Variants in RASGRP1 observed in about 807,000 individuals in gnomAD.
RASGRP1 encodes the protein RAS guanyl releasing protein 1.
Under a neutral mutation model 95.1 loss-of-function variants are expected in RASGRP1, and 37 were observed. The observed-to-expected ratio is 0.39, with a 90% CI of 0.30 to 0.51. The LOEUF (loss-of-function observed/expected upper bound fraction) is 0.51, where lower values mean the gene tolerates loss of function less well. RASGRP1 is among the 20% of genes least tolerant of loss of function. The pLI, the probability that RASGRP1 is intolerant of heterozygous loss-of-function variation, is 0.80. For synonymous variants in RASGRP1, 325 were observed against 353.4 expected (o/e 0.92, Z 0.90); for missense variants, 711 against 965.4 (o/e 0.74, Z 3.49).
chr15:38,533,826 G>A (rs1177834817), intron 2 of RASGRP1, among the ~76,000 whole-genome samples: 2 of 152,208 alleles, frequency 1.3e-5, no homozygotes, highest in East Asian at 3.8e-4. Context: ...GCTCTCCTGG[G>A]AGAGAAGTGA....
chr15:38,548,340 A>T (rs1185146357), intron 2 of RASGRP1, among the ~76,000 whole-genome samples: 1 of 152,206 alleles, frequency 6.6e-6, no homozygotes, highest in African/African-American at 2.4e-5. Context: ...AGGTGAGCAG[A>T]TCACTTGAGC....
At chr15:38,518,217 A>G (rs1045171379) in intron 5 of RASGRP1, 75 bp downstream of exon 5, 2 of 1,459,830 alleles carry the variant, frequency 1.4e-6, no homozygotes, top group Non-Finnish European at 1.9e-6. Context: ...GGGGGTCAGA[A>G]GCCCAACAAG....
intron 2 of RASGRP1, among the ~76,000 whole-genome samples, chr15:38,531,250 G>T (rs1321733206): frequency 6.6e-6 from 1 of 152,228 alleles, no homozygotes; most frequent in African/African-American, 2.4e-5. Context: ...GGGTGGAGGA[G>T]CTGGGACCTG....
intron 5 of RASGRP1, 143 bp from the exon 6 acceptor site, chr15:38,516,493 CAG>C (rs1891791647): frequency 8.4e-6 from 9 of 1,068,432 alleles, no homozygotes; most frequent in Middle Eastern, 3.0e-4. Flanking sequence ...AGTGCATTCA[CAG>C]AGTTTCTCCA....
At position 38,500,243 on chromosome 15, in the gene RASGRP1, G is replaced by A. The variant is rs1167544076; in HGVS notation, c.1684-104C>T. 5 of 1,180,360 alleles carry A rather than the reference G, an allele frequency of 4.2e-6. No individual in the cohort carries two copies. In the South Asian group the frequency reaches 6.5e-5, roughly 15 times the overall value. The allele number at this position is 1,180,360 out of a possible 1,614,324, so 73.1% of individuals were successfully genotyped here. A position where few individuals can be genotyped will look rare whatever the true frequency, so the allele number is the denominator to read the frequency against. ...TCCTTCATTTTACTCTCTAGCTCAA[G>A]TGGGAAGGAAACCTCATTTATCTCT... is the stretch of plus-strand genomic sequence containing the variant. On this transcript the variant is annotated intron_variant, in intron 13 of 16. Coordinates refer to ENST00000310803, the MANE Select transcript of RASGRP1 (RefSeq NM_005739.4).
At chr15:38,547,608 G>A (rs770307840) in intron 2 of RASGRP1, among the ~76,000 whole-genome samples, 1 of 152,138 alleles carries the variant, frequency 6.6e-6, no homozygotes, top group Non-Finnish European at 1.5e-5. Flanking sequence ...CTGCTCCTGG[G>A]AAAACTCAAA....
At chr15:38,491,580 A>T (rs1263752026) in intron 16 of RASGRP1, among the ~76,000 whole-genome samples, 1 of 152,188 alleles carries the variant, frequency 6.6e-6, no homozygotes, top group Non-Finnish European at 1.5e-5. Flanking sequence ...GGTACATTAT[A>T]CTTAAAATAA....
chr15:38,539,806 G>A lies in RASGRP1; in HGVS notation c.221-13402C>T, dbSNP rs143721052. 1.8e-3 allele frequency among the ~76,000 whole-genome samples: 275 copies of A among 152,162 alleles called. 1 individual carries two copies. Among genetic ancestry groups the A allele is most frequent in the African/African-American group, 6.2e-3 (257 of 41,512 alleles). Reference sequence around the variant, plus strand: ...CTCATTGTTCAATTCCCACCTATGAGTGAGAATATGCGGTGTTTGGTTTTT... The same window carrying A: ...CTCATTGTTCAATTCCCACCTATGAATGAGAATATGCGGTGTTTGGTTTTT... On this transcript the variant is annotated intron_variant, in intron 2 of 16. Coordinates refer to ENST00000310803, the MANE Select transcript of RASGRP1 (RefSeq NM_005739.4).
intron 14 of RASGRP1, chr15:38,499,226 G>C: frequency 3.6e-6 from 2 of 561,890 alleles, no homozygotes; most frequent in Non-Finnish European, 3.3e-6. Context: ...CATACATTCT[G>C]CCTACTCTAG....
rs76614766 is a variant in RASGRP1 at position 38,493,811 on chromosome 15, A to G, written c.2259+571T>C. Among the ~76,000 whole-genome samples, 272 of 152,296 alleles carry G rather than the reference A, an allele frequency of 1.8e-3. 1 individual carries two copies. Among genetic ancestry groups the G allele is most frequent in the African/African-American group, 6.2e-3 (256 of 41,560 alleles). On this transcript the variant is annotated intron_variant, in intron 16 of 16. Coordinates refer to ENST00000310803, the MANE Select transcript of RASGRP1 (RefSeq NM_005739.4). ...TATATTTAGGAGGGAGGCGTTTTCT[A>G]TGGTGAGCCACAATACACTCACCTT...
Position 38,512,872 on chromosome 15 carries a change from T to C in RASGRP1, c.760A>G (p.Ile254Val), listed in dbSNP as rs1228040548. The stretch of plus-strand genomic sequence containing the variant: ...ACCATCAGTTGTACCCACTGGGAGA[T>C]GCCGTTGCACAGAGCAATAGATCGC... ...MERSIALCNG[I>V]SQWVQLMVLS... is the part of the protein sequence containing the mutation. The change falls in exon 7 of 17, where the codon ATC becomes GTC. Residue 254 changes from isoleucine (I) to valine (V), a missense_variant. Physicochemically the swap from Ile to Val is conservative, Grantham distance 29. Around this residue, in one of 3 missense-constraint regions of RASGRP1, gnomAD observed 491 missense variants for 676.6 expected, o/e 0.73. Coordinates refer to ENST00000310803, the MANE Select transcript of RASGRP1 (RefSeq NM_005739.4). The C allele has an allele frequency of 6.8e-6, 11 of 1,613,320 alleles. No individual in the cohort carries two copies. The highest frequency in any genetic ancestry group is 7.6e-6 in the Non-Finnish European group (9 of 1,179,710).
chr15:38,535,939 G>T (rs8043085), intron 2 of RASGRP1, among the ~76,000 whole-genome samples: 39,081 of 151,980 alleles, frequency 0.26, 5,229 homozygotes, highest in East Asian at 0.39. Context: ...ACACAAGTCT[G>T]TGGGTGGGGT....
intron 2 of RASGRP1, among the ~76,000 whole-genome samples, chr15:38,546,923 TAC>T (rs1446963765): frequency 6.6e-6 from 1 of 152,218 alleles, no homozygotes; most frequent in Middle Eastern, 3.2e-3. Flanking sequence ...TGCGAGACTT[TAC>T]GTTTTATTGA....
rs1421107140 is a variant in RASGRP1 at position 38,502,922 on chromosome 15, A to G, written c.1428+350T>C. 1.0e-5 allele frequency: 3 copies of G among 300,340 alleles called. No individual in the cohort carries two copies. In the East Asian group the frequency reaches 2.1e-4, roughly 21 times the overall value. 18.6% of individuals were successfully genotyped at this position (300,340 alleles called of 1,614,324 possible). On this transcript the variant is annotated intron_variant, in intron 11 of 16. Transcript: ENST00000310803. ...ACCCCTTCCTCAGCAATTAGCACAGAGAATTGAATTAAGCAGTACAAAGGT... is the reference window on the plus strand; with the variant it reads ...ACCCCTTCCTCAGCAATTAGCACAGGGAATTGAATTAAGCAGTACAAAGGT...
intron 2 of RASGRP1, among the ~76,000 whole-genome samples, chr15:38,535,492 C>T (rs1202171865): frequency 6.6e-6 from 1 of 152,146 alleles, no homozygotes; most frequent in African/African-American, 2.4e-5. Flanking sequence ...CACAAGGCAG[C>T]TATTATTGGC....
At chr15:38,509,380 G>A (rs1891404238) in intron 8 of RASGRP1, among the ~76,000 whole-genome samples, 1 of 152,188 alleles carries the variant, frequency 6.6e-6, no homozygotes, top group African/African-American at 2.4e-5. Context: ...AGAAAGAATG[G>A]AATGGGATGG....
chr15:38,564,531 C>CA (rs1893953121), intron 1 of RASGRP1, 63 bp downstream of exon 1: 1 of 1,292,438 alleles, frequency 7.7e-7, no homozygotes, highest in East Asian at 3.2e-5. Flanking sequence ...GGGCGACGGG[C>CA]AGGGGCCTCT....
chr15:38,544,486 C>T (rs766786084), intron 2 of RASGRP1, among the ~76,000 whole-genome samples: 6 of 152,126 alleles, frequency 3.9e-5, no homozygotes, highest in Admixed American at 6.5e-5. Context: ...GACTGGGTCA[C>T]GAGGGGTTCA....
At chr15:38,523,685 GC>G (rs1014932301) in intron 3 of RASGRP1, among the ~76,000 whole-genome samples, 6 of 152,032 alleles carry the variant, frequency 3.9e-5, no homozygotes, top group African/African-American at 1.2e-4. Context: ...CATGGTAAGT[GC>G]CCCCCTATAC....
Sources: gnomAD v4.1 joint callset for allele counts (sites outside exome capture counted in the v4.1 genomes callset) on GRCh38, gnomAD v4.1.1 for gene constraint, gnomAD v4.1.1 regional missense constraint, MANE v1.5 for transcripts, NCBI Gene and HGNC (gene_info 2026-07-23, HGNC 2026-07-21) for gene names.